Variants in LYAR observed in about 807,000 individuals in gnomAD.
LYAR encodes the protein Ly1 antibody reactive.
Under a neutral mutation model 45.2 loss-of-function variants are expected in LYAR, and 37 were observed. The observed-to-expected ratio is 0.82, with a 90% CI of 0.63 to 1.08. The LOEUF (loss-of-function observed/expected upper bound fraction) is 1.08, where lower values mean the gene tolerates loss of function less well. Among genes scored for constraint, LYAR ranks in the 50% least tolerant of loss-of-function variants. LYAR has a pLI of 0.00. For missense variants in LYAR, 493 were observed against 451.0 expected, an observed-to-expected ratio of 1.09 and a Z score of -0.84; for synonymous variants, 176 against 155.1, an observed-to-expected ratio of 1.14 and a Z score of -1.00.
intron 4 of LYAR, among the ~76,000 whole-genome samples, chr4:4,281,301 C>T (rs1719382493): frequency 6.8e-6 from 1 of 146,302 alleles, no homozygotes; most frequent in South Asian, 2.1e-4. Flanking sequence ...ACTGTTTTAA[C>T]AGCTAGAAGA....
intron 4 of LYAR, among the ~76,000 whole-genome samples, chr4:4,281,283 G>A (rs1719381908): frequency 6.7e-6 from 1 of 148,548 alleles, no homozygotes; most frequent in Non-Finnish European, 1.5e-5. Context: ...AAGGTATAAT[G>A]CACCGCAACT....
At chr4:4,271,276 C>T (rs1009713813) in intron 8 of LYAR, among the ~76,000 whole-genome samples, 2 of 152,150 alleles carry the variant, frequency 1.3e-5, no homozygotes, top group South Asian at 2.1e-4. Context: ...TGCTTGTCTT[C>T]CTGTGCTTGG....
chr4:4,289,347 C>G (rs1049193905), intron 1 of LYAR, among the ~76,000 whole-genome samples: 3 of 152,164 alleles, frequency 2.0e-5, no homozygotes, highest in African/African-American at 7.2e-5. Context: ...GAGCCTCGGG[C>G]ACAGTGTGAG....
At position 4,267,872 on chromosome 4, in the gene LYAR, T is replaced by A. The variant is rs779329139; in HGVS notation, c.*17A>T. 6.3e-7 allele frequency: 1 copy of A among 1,598,462 alleles called. No individual in the cohort carries two copies. The highest frequency in any genetic ancestry group is 2.2e-5 in the East Asian group (1 of 44,450). ...AGAAGTCAGCAGAATGGATTCAATT[T>A]TTAAATACACAAATGTTCATTTCAC... On this transcript the variant is annotated 3_prime_UTR_variant, in exon 10 of 10. Transcript: ENST00000343470.
At chr4:4,279,203 C>T (rs1719301222) in intron 6 of LYAR, among the ~76,000 whole-genome samples, 1 of 151,904 alleles carries the variant, frequency 6.6e-6, no homozygotes, top group African/African-American at 2.4e-5. Flanking sequence ...CATGATGGCT[C>T]GTGCCTACAG....
At chr4:4,280,132 A>G (rs1719338755) in intron 4 of LYAR, among the ~76,000 whole-genome samples, 1 of 152,218 alleles carries the variant, frequency 6.6e-6, no homozygotes, top group Non-Finnish European at 1.5e-5. Flanking sequence ...ATTTTATATA[A>G]CAACCAGAAA....
intron 3 of LYAR, 40 bp downstream of exon 3, chr4:4,283,581 T>G (rs372134968): frequency 3.6e-5 from 57 of 1,578,878 alleles, no homozygotes; most frequent in Middle Eastern, 1.7e-4. Context: ...AAAACTGATC[T>G]GGATTTACTA....
At chr4:4,269,025 G>T (rs60829888) in intron 8 of LYAR, 5,698 of 154,716 alleles carry the variant, frequency 0.037, 206 homozygotes, top group African/African-American at 0.09. Context: ...ACTCATCTAG[G>T]GAACTTCTGC....
At chr4:4,288,149 C>G (rs1049976828) in intron 1 of LYAR, among the ~76,000 whole-genome samples, 5 of 152,174 alleles carry the variant, frequency 3.3e-5, no homozygotes, top group Non-Finnish European at 7.4e-5. Context: ...GATCTAATAC[C>G]TAACTCAAAG....
intron 8 of LYAR, among the ~76,000 whole-genome samples, chr4:4,269,155 C>G (rs1718829968): frequency 6.6e-6 from 1 of 152,094 alleles, no homozygotes; most frequent in Non-Finnish European, 1.5e-5. Flanking sequence ...CAGCTGGGAC[C>G]TCGGGGCCTG....
chr4:4,286,483 T>C (rs577480945), intron 2 of LYAR, 36 bp downstream of exon 2: 3 of 152,126 alleles, frequency 2.0e-5, no homozygotes, highest in South Asian at 2.1e-4. Context: ...ACAGCAAACA[T>C]TGCCTAAAAC....
chr4:4,279,440 G>A lies in LYAR; in HGVS notation c.429+7C>T, dbSNP rs752503319. The A allele has an allele frequency of 6.3e-7, 1 of 1,590,470 alleles. No homozygotes were observed. Among genetic ancestry groups the A allele is most frequent in the Non-Finnish European group, 8.6e-7 (1 of 1,160,614 alleles). On this transcript the variant is annotated splice_region_variant and intron_variant, in intron 6 of 9. Coordinates refer to ENST00000343470, the MANE Select transcript of LYAR (RefSeq NM_017816.3). ...ACAATGCAAATCTAAAATCAGATCT[G>A]ACTTACGCTGTTGGAAGCTTCAGAA... is the stretch of plus-strand genomic sequence containing the variant.
At chr4:4,281,947 G>C (rs1462253572) in intron 3 of LYAR, 50 bp from the exon 4 acceptor site, 1 of 1,202,200 alleles carries the variant, frequency 8.3e-7, no homozygotes, top group South Asian at 1.2e-5. Context: ...CAAGTTGGAG[G>C]CGCTAATACC....
At chr4:4,287,507 T>C (rs1422076262) in intron 1 of LYAR, among the ~76,000 whole-genome samples, 1 of 152,190 alleles carries the variant, frequency 6.6e-6, no homozygotes, top group Non-Finnish European at 1.5e-5. Context: ...ATAGAACACA[T>C]GATCATTAGC....
In LYAR at chr4:4,279,519, C is replaced by T. The variant is rs1442475555; in HGVS notation, c.357G>A (p.Lys119=). Residue 119 remains lysine (K), a synonymous_variant, in exon 6 of 10, where the codon AAG becomes AAA. Coordinates refer to ENST00000343470, the MANE Select transcript of LYAR (RefSeq NM_017816.3). Reference sequence around the variant, plus strand: ...ATTCATTATGAACTTTTAAACTGTTCTTCATCCAATTCTGTAAGAAAGAAA... The same window carrying T: ...ATTCATTATGAACTTTTAAACTGTTTTTCATCCAATTCTGTAAGAAAGAAA... ...RKKAKFQNWM[K]NSLKVHNESI... The T allele has an allele frequency of 2.5e-6, 4 of 1,610,210 alleles. No individual in the cohort carries two copies. The highest frequency in any genetic ancestry group is 3.4e-6 in the Non-Finnish European group (4 of 1,176,680).
intron 2 of LYAR, 64 bp from the exon 3 acceptor site, chr4:4,283,859 C>A (rs1399011538): frequency 9.6e-6 from 7 of 728,988 alleles, no homozygotes; most frequent in Non-Finnish European, 1.3e-5. Context: ...ATGGCTCATG[C>A]CCCTAACTTT....
intron 4 of LYAR, among the ~76,000 whole-genome samples, 182 bp downstream of exon 4, chr4:4,281,601 G>A (rs1417208562): frequency 2.6e-5 from 4 of 152,346 alleles, no homozygotes; most frequent in South Asian, 4.1e-4. Context: ...TTACAGGCGT[G>A]AGCCACCATG....
At chr4:4,286,042 T>G (rs1719597430) in intron 2 of LYAR, among the ~76,000 whole-genome samples, 1 of 152,252 alleles carries the variant, frequency 6.6e-6, no homozygotes, top group Non-Finnish European at 1.5e-5. Context: ...CACATCATTT[T>G]CATTTGGTCT....
chr4:4,273,902 C>A (rs1719057192), intron 7 of LYAR, among the ~76,000 whole-genome samples: 1 of 152,180 alleles, frequency 6.6e-6, no homozygotes, highest in Non-Finnish European at 1.5e-5. Flanking sequence ...CCCACCTCTG[C>A]CTGGCCACAA....
Sources: gnomAD v4.1 joint callset for allele counts (sites outside exome capture counted in the v4.1 genomes callset) on GRCh38, gnomAD v4.1.1 for gene constraint, MANE v1.5 for transcripts, NCBI Gene and HGNC (gene_info 2026-07-23, HGNC 2026-07-21) for gene names.